Variants in LRRIQ3 observed in about 807,000 individuals in gnomAD.
LRRIQ3 encodes leucine-rich repeat and IQ domain-containing protein 3.
LRRIQ3 carries 75 observed loss-of-function variants against 59.3 expected under a neutral mutation model. The ratio of observed to expected loss-of-function variants is 1.26; its 90% CI spans 1.05 to 1.53. LRRIQ3 has a LOEUF of 1.53. LRRIQ3 is among the 40% of genes most tolerant of loss of function. The pLI is 0.00. For synonymous variants in LRRIQ3, 250 were observed against 231.3 expected (o/e 1.08, Z -0.73); for missense variants, 831 against 710.0 (o/e 1.17, Z -1.94).
intron 3 of LRRIQ3, among the ~76,000 whole-genome samples, chr1:74,156,680 T>C (rs1216141322): frequency 6.6e-6 from 1 of 152,186 alleles, no homozygotes; most frequent in Admixed American, 6.5e-5. Flanking sequence ...TAAAATAATG[T>C]ATAGTAGTTA....
chr1:74,080,039 TTCTA>T (rs1646256242), intron 5 of LRRIQ3, among the ~76,000 whole-genome samples: 1 of 151,734 alleles, frequency 6.6e-6, no homozygotes, highest in Admixed American at 6.6e-5. Flanking sequence ...TTTTTGGTGT[TTCTA>T]TCAACTTATC....
intron 5 of LRRIQ3, among the ~76,000 whole-genome samples, chr1:74,092,356 T>C (rs1369905439): frequency 6.6e-6 from 1 of 152,102 alleles, no homozygotes; most frequent in Non-Finnish European, 1.5e-5. Flanking sequence ...TGAATCTAAT[T>C]TAAACTGATA....
intron 5 of LRRIQ3, 87 bp downstream of exon 5, chr1:74,109,307 G>T: frequency 2.1e-6 from 2 of 943,634 alleles, no homozygotes; most frequent in Non-Finnish European, 3.2e-6. Context: ...ATTTAATAGA[G>T]ACTGAAGAAA....
At chr1:74,131,328 A>C (rs1053949800) in intron 4 of LRRIQ3, among the ~76,000 whole-genome samples, 2 of 152,032 alleles carry the variant, frequency 1.3e-5, no homozygotes, top group African/African-American at 4.8e-5. Flanking sequence ...CCTTCTGAAA[A>C]TATTCCAATC....
intron 4 of LRRIQ3, among the ~76,000 whole-genome samples, chr1:74,146,264 T>C (rs1570205949): frequency 6.6e-6 from 1 of 152,246 alleles, no homozygotes; most frequent in Admixed American, 6.5e-5. Flanking sequence ...AAATAATCTA[T>C]TAGGAATAAA....
At chr1:74,102,637 T>C (rs1005361574) in intron 5 of LRRIQ3, among the ~76,000 whole-genome samples, 3 of 151,988 alleles carry the variant, frequency 2.0e-5, no homozygotes, top group Non-Finnish European at 4.4e-5. Context: ...TCCAAAAGAA[T>C]TGATATCAAG....
intron 4 of LRRIQ3, among the ~76,000 whole-genome samples, chr1:74,150,236 A>G (rs1647844356): frequency 6.6e-6 from 1 of 152,178 alleles, no homozygotes. Flanking sequence ...GGAAGGTTGG[A>G]TCCTTGATTT....
intron 4 of LRRIQ3, among the ~76,000 whole-genome samples, chr1:74,149,167 A>G (rs1366546034): frequency 6.6e-6 from 1 of 152,136 alleles, no homozygotes; most frequent in Non-Finnish European, 1.5e-5. Flanking sequence ...TCTTTGTAAG[A>G]TTTTGATATT....
chr1:74,081,590 G>A (rs976885461), intron 5 of LRRIQ3, among the ~76,000 whole-genome samples: 1 of 151,462 alleles, frequency 6.6e-6, no homozygotes, highest in South Asian at 2.1e-4. Context: ...ATTGATACTA[G>A]GTGGAATAAG....
chr1:74,146,890 T>A (rs2100648985), intron 4 of LRRIQ3, among the ~76,000 whole-genome samples: 1 of 152,274 alleles, frequency 6.6e-6, no homozygotes, highest in East Asian at 1.9e-4. Flanking sequence ...TAGACCTAAA[T>A]AGTTAATATT....
chr1:74,153,085 T>C (rs912357205), intron 4 of LRRIQ3, among the ~76,000 whole-genome samples: 3 of 152,186 alleles, frequency 2.0e-5, no homozygotes, highest in Non-Finnish European at 2.9e-5. Flanking sequence ...TTGTTTCCTA[T>C]ATTTTTTCCA....
chr1:74,131,206 C>T (rs1647012839), intron 4 of LRRIQ3, among the ~76,000 whole-genome samples: 2 of 152,112 alleles, frequency 1.3e-5, no homozygotes. Flanking sequence ...AGACCAATAA[C>T]AGGCTCTGAA....
chr1:74,156,426 TTTA>T (rs1320753005), intron 3 of LRRIQ3, among the ~76,000 whole-genome samples: 1 of 152,154 alleles, frequency 6.6e-6, no homozygotes, highest in Non-Finnish European at 1.5e-5. Context: ...TAAATACATT[TTTA>T]TTATTAGAGT....
At chr1:74,138,872 C>T (rs1203662854) in intron 4 of LRRIQ3, among the ~76,000 whole-genome samples, 1 of 151,522 alleles carries the variant, frequency 6.6e-6, no homozygotes, top group Non-Finnish European at 1.5e-5. Context: ...CAATACAGCC[C>T]CCAGTCCACT....
intron 1 of LRRIQ3, among the ~76,000 whole-genome samples, chr1:74,191,759 ATT>A (rs1204353197): frequency 6.6e-6 from 1 of 152,118 alleles, no homozygotes; most frequent in East Asian, 1.9e-4. Context: ...ATTTAGCAAA[ATT>A]TGTGGGATAT....
At chr1:74,075,752 G>A (rs1168643158) in intron 5 of LRRIQ3, among the ~76,000 whole-genome samples, 1 of 151,988 alleles carries the variant, frequency 6.6e-6, no homozygotes, top group African/African-American at 2.4e-5. Context: ...GGACTGTTAC[G>A]GAGCTTTCAT....
At chr1:74,101,147 G>A (rs1181375533) in intron 5 of LRRIQ3, among the ~76,000 whole-genome samples, 1 of 152,100 alleles carries the variant, frequency 6.6e-6, no homozygotes, top group African/African-American at 2.4e-5. Flanking sequence ...GAACATTTTT[G>A]CAATCTACTC....
intron 6 of LRRIQ3, among the ~76,000 whole-genome samples, chr1:74,047,213 C>T (rs1028415706): frequency 6.6e-6 from 1 of 152,098 alleles, no homozygotes; most frequent in Admixed American, 6.6e-5. Context: ...CACTGATAGA[C>T]TGGATAAAGA....
intron 6 of LRRIQ3, among the ~76,000 whole-genome samples, chr1:74,068,598 A>G (rs1235294079): frequency 6.6e-6 from 1 of 152,072 alleles, no homozygotes; most frequent in East Asian, 1.9e-4. Flanking sequence ...TCTCAGTAGT[A>G]AAAGTATTTA....
Sources: allele counts gnomAD v4.1 joint callset (sites outside exome capture counted in the v4.1 genomes callset), GRCh38; gene constraint gnomAD v4.1.1; transcripts MANE v1.5; gene names NCBI Gene and HGNC (gene_info 2026-07-23, HGNC 2026-07-21).